SH3KBP1: variants seen among roughly 807,000 people sequenced by gnomAD.
The protein encoded by SH3KBP1 is SH3 domain-containing kinase-binding protein 1.
Under a neutral mutation model 50.1 loss-of-function variants are expected in SH3KBP1, and 8 were observed. That is an observed-to-expected ratio of 0.16 (90% confidence interval 0.09 to 0.29). SH3KBP1 has a LOEUF of 0.29. Among genes scored for constraint, SH3KBP1 ranks in the 10% least tolerant of loss-of-function variants. The pLI is 1.00. For missense variants in SH3KBP1, 377 were observed against 535.2 expected (o/e 0.70, Z 2.92); for synonymous variants, 227 against 218.6 (o/e 1.04, Z -0.34).
intron 15 of SH3KBP1, among the ~76,000 whole-genome samples, chrX:19,542,577 C>T (rs971002961): frequency 3.6e-5 from 4 of 111,375 alleles, no homozygotes; most frequent in Non-Finnish European, 5.6e-5. Context: ...GACAGACCAA[C>T]GCACTGAGAT....
chrX:19,731,658 G>T (rs1447383343), intron 3 of SH3KBP1, among the ~76,000 whole-genome samples: 3 of 111,893 alleles, frequency 2.7e-5, no homozygotes, highest in African/African-American at 9.8e-5. Context: ...CCTTAACCAT[G>T]TAACTTAATA....
intron 5 of SH3KBP1, 50 bp downstream of exon 5, chrX:19,695,562 G>C (rs1008684258): frequency 8.4e-7 from 1 of 1,190,597 alleles, no homozygotes; most frequent in African/African-American, 1.8e-5. Context: ...CTGGAGCACA[G>C]CCTGCCGGTC....
chrX:19,655,911 G>T (rs1437411809), intron 6 of SH3KBP1, among the ~76,000 whole-genome samples: 14 of 112,031 alleles, frequency 1.2e-4, no homozygotes, highest in African/African-American at 4.6e-4. Context: ...TATAGAACAA[G>T]AAAACAAAGA....
At chrX:19,828,997 C>A (rs942804445) in intron 2 of SH3KBP1, among the ~76,000 whole-genome samples, 1 of 110,954 alleles carries the variant, frequency 9.0e-6, no homozygotes, top group Non-Finnish European at 1.9e-5. Flanking sequence ...CCTCCCCTCA[C>A]CCAATGGAAG....
At chrX:19,727,004 C>T (rs2064238977) in intron 3 of SH3KBP1, among the ~76,000 whole-genome samples, 1 of 112,402 alleles carries the variant, frequency 8.9e-6, no homozygotes, top group South Asian at 3.7e-4. Context: ...ATCCATCACG[C>T]TTCTCAAGAA....
Position 19,552,879 on chromosome X carries a change from G to A in SH3KBP1, c.1385-2796C>T, listed in dbSNP as rs12395417. The stretch of plus-strand genomic sequence containing the variant: ...GGCTGAGGGGAGGGAAGGGAGTGAG[G>A]ATTTGGCCAAGCGGAGGAGTGGAGA... On this transcript the variant is annotated intron_variant, in intron 13 of 17. Coordinates refer to ENST00000397821, the MANE Select transcript of SH3KBP1 (RefSeq NM_031892.3). 3.5e-3 allele frequency among the ~76,000 whole-genome samples: 381 copies of A among 109,255 alleles called. 3 individuals are homozygous for A. The highest frequency in any genetic ancestry group is 0.012 in the African/African-American group (368 of 29,943). 94.9% of individuals were successfully genotyped at this position (109,255 alleles called of 115,157 possible).
chrX:19,803,265 C>CA (rs1254405691), intron 2 of SH3KBP1, among the ~76,000 whole-genome samples: 4 of 111,879 alleles, frequency 3.6e-5, no homozygotes, highest in African/African-American at 1.3e-4. Flanking sequence ...ATTTTAGAGA[C>CA]ATTGTCTCAC....
chrX:19,536,349 T>C lies in SH3KBP1; in HGVS notation c.*68A>G, dbSNP rs2147480160. 7 of 723,023 alleles carry C rather than the reference T, an allele frequency of 9.7e-6. No homozygotes were observed. The East Asian group carries it at 2.3e-4, about 24-fold the overall frequency. 59.6% of individuals were successfully genotyped at this position (723,023 alleles called of 1,213,427 possible). On this transcript the variant is annotated 3_prime_UTR_variant, in exon 18 of 18. Coordinates refer to ENST00000397821, the MANE Select transcript of SH3KBP1 (RefSeq NM_031892.3). ...TTTAATCTTTTGGCACAAGATTATT[T>C]TGGCTGGGGCAGAAAATTTGAGTCT...
chrX:19,604,435 C>T (rs1469940440), intron 9 of SH3KBP1, among the ~76,000 whole-genome samples: 1 of 111,746 alleles, frequency 8.9e-6, no homozygotes, highest in African/African-American at 3.3e-5. Flanking sequence ...AATATGTCAG[C>T]CTTATCAGAA....
intron 1 of SH3KBP1, among the ~76,000 whole-genome samples, chrX:19,850,319 G>A (rs1176571076): frequency 9.0e-6 from 1 of 110,965 alleles, no homozygotes; most frequent in Non-Finnish European, 1.9e-5. Flanking sequence ...GCATAGCTAG[G>A]ATTACAGGCA....
chrX:19,575,255 G>T (rs1881737651), intron 12 of SH3KBP1, among the ~76,000 whole-genome samples: 1 of 112,261 alleles, frequency 8.9e-6, no homozygotes, highest in African/African-American at 3.2e-5. Context: ...CTGGATAAAA[G>T]GAAAAAACTA....
At chrX:19,744,740 A>G (rs766773690) in intron 3 of SH3KBP1, among the ~76,000 whole-genome samples, 101 of 112,051 alleles carry the variant, frequency 9.0e-4, no homozygotes, top group Non-Finnish European at 1.6e-3. Flanking sequence ...GAAAAATTCC[A>G]TAGGGGAACT....
At chrX:19,663,189 A>G (rs754406190) in intron 6 of SH3KBP1, among the ~76,000 whole-genome samples, 43 of 111,740 alleles carry the variant, frequency 3.8e-4, no homozygotes, top group African/African-American at 6.2e-4. Flanking sequence ...ACACACACAA[A>G]GGCACCAAGC....
At chrX:19,629,944 G>T (rs1426037680) in intron 8 of SH3KBP1, among the ~76,000 whole-genome samples, 1 of 112,153 alleles carries the variant, frequency 8.9e-6, no homozygotes, top group Non-Finnish European at 1.9e-5. Context: ...GGATGGGACC[G>T]ATAGATACTC....
intron 11 of SH3KBP1, among the ~76,000 whole-genome samples, chrX:19,591,789 A>G (rs1210621017): frequency 8.9e-6 from 1 of 112,240 alleles, no homozygotes; most frequent in African/African-American, 3.2e-5. Context: ...CAGGGTGCAG[A>G]GAGGGTGGCC....
At chrX:19,565,538 T>C (rs2065819752) in intron 13 of SH3KBP1, among the ~76,000 whole-genome samples, 1 of 111,528 alleles carries the variant, frequency 9.0e-6, no homozygotes, top group Admixed American at 9.5e-5. Context: ...AGTTCTTTCT[T>C]TCCTTACTCT....
intron 2 of SH3KBP1, among the ~76,000 whole-genome samples, chrX:19,760,016 TCTCTCTCCTCTCTCTCTCTCTCTCC>T (rs1167167939): frequency 2.0e-4 from 20 of 98,100 alleles, no homozygotes; most frequent in African/African-American, 8.6e-4. Flanking sequence ...TCGGTCTCTC[TCTCTCTCCTCTCTCTCTCTCTCTCC>T]CTCTCTCTCT....
intron 3 of SH3KBP1, among the ~76,000 whole-genome samples, chrX:19,737,451 C>G (rs2064622875): frequency 9.0e-6 from 1 of 111,672 alleles, no homozygotes; most frequent in Non-Finnish European, 1.9e-5. Flanking sequence ...CACAACCCCA[C>G]ATGTGGATTT....
At chrX:19,811,147 C>G (rs1368643002) in intron 2 of SH3KBP1, among the ~76,000 whole-genome samples, 1 of 111,266 alleles carries the variant, frequency 9.0e-6, no homozygotes, top group East Asian at 2.8e-4. Flanking sequence ...TGTGCGCACA[C>G]TCACGATTTT....
Sources: gnomAD v4.1 joint callset for allele counts (sites outside exome capture counted in the v4.1 genomes callset) on GRCh38, gnomAD v4.1.1 for gene constraint, MANE v1.5 for transcripts, NCBI Gene and HGNC (gene_info 2026-07-23, HGNC 2026-07-21) for gene names.